TMC1: variants seen among roughly 807,000 people sequenced by gnomAD.
The protein encoded by TMC1 is transmembrane channel like 1, also known as transmembrane channel-like protein 1.
In TMC1, 84 loss-of-function variants were observed where a neutral mutation model predicts 105.8. That is an observed-to-expected ratio of 0.79 (90% confidence interval 0.67 to 0.95). The LOEUF (loss-of-function observed/expected upper bound fraction) is 0.95. Among genes scored for constraint, TMC1 ranks in the 40% least tolerant of loss-of-function variants. TMC1 has a pLI of 0.00. For synonymous variants in TMC1, 315 were observed against 311.5 expected (o/e 1.01, Z -0.12); for missense variants, 817 against 914.1 (o/e 0.89, Z 1.37).
intron 23 of TMC1, among the ~76,000 whole-genome samples, chr9:72,831,271 G>T (rs2118333798): frequency 6.6e-6 from 1 of 152,166 alleles, no homozygotes; most frequent in African/African-American, 2.4e-5. Flanking sequence ...TTCCAACTTT[G>T]TCCTTACTCC....
chr9:72,803,200 C>A (rs1368518054), intron 17 of TMC1, among the ~76,000 whole-genome samples: 2 of 152,172 alleles, frequency 1.3e-5, no homozygotes, highest in East Asian at 3.9e-4. Flanking sequence ...TGAAATGGGA[C>A]CCCGTCTATA....
intron 8 of TMC1, among the ~76,000 whole-genome samples, chr9:72,709,000 AT>A (rs59517839): frequency 4.2e-5 from 6 of 142,822 alleles, no homozygotes; most frequent in African/African-American, 7.7e-5. Flanking sequence ...TTCTGTGTCT[AT>A]TTTTTTTTCG....
intron 1 of TMC1, among the ~76,000 whole-genome samples, chr9:72,545,562 A>C (rs965270783): frequency 1.3e-5 from 2 of 152,172 alleles, no homozygotes; most frequent in African/African-American, 4.8e-5. Context: ...ATCTTGGCTC[A>C]CTGCAACCTC....
chr9:72,649,194 CATTTTTGCTTG>C (rs1204383841), intron 5 of TMC1, among the ~76,000 whole-genome samples: 2 of 152,218 alleles, frequency 1.3e-5, no homozygotes, highest in Admixed American at 6.5e-5. Flanking sequence ...TGATAAAACA[CATTTTTGCTTG>C]CTGTGACTTG....
intron 7 of TMC1, among the ~76,000 whole-genome samples, chr9:72,696,208 C>T (rs983339895): frequency 1.3e-5 from 2 of 152,154 alleles, no homozygotes; most frequent in African/African-American, 2.4e-5. Context: ...TGCTCAACTT[C>T]TAGGAAATGG....
intron 5 of TMC1, among the ~76,000 whole-genome samples, chr9:72,656,889 T>C (rs566586917): frequency 6.6e-6 from 1 of 152,350 alleles, no homozygotes; most frequent in African/African-American, 2.4e-5. Flanking sequence ...GCTACTTTGA[T>C]CTAGGAAATA....
At chr9:72,651,641 G>A (rs1408404031) in intron 5 of TMC1, 1 of 152,162 alleles carries the variant, frequency 6.6e-6, no homozygotes, top group East Asian at 1.9e-4. Context: ...TTGATACATA[G>A]AAATACTAGT....
chr9:72,712,752 C>G (rs963527251), intron 8 of TMC1, among the ~76,000 whole-genome samples: 1 of 152,122 alleles, frequency 6.6e-6, no homozygotes, highest in African/African-American at 2.4e-5. Flanking sequence ...AACTGAATAC[C>G]CTTTATTCCT....
chr9:72,731,267 A>G (rs1361730894), intron 8 of TMC1, among the ~76,000 whole-genome samples: 1 of 152,202 alleles, frequency 6.6e-6, no homozygotes. Context: ...TTCCAGTGCA[A>G]TGGTAAAAAT....
intron 2 of TMC1, among the ~76,000 whole-genome samples, chr9:72,607,129 G>A (rs578021223): frequency 1.4e-4 from 21 of 151,814 alleles, no homozygotes; most frequent in African/African-American, 5.1e-4. Flanking sequence ...CCAATACATT[G>A]TAGATACTCA....
rs542333156 is a variant in TMC1 at position 72,836,052 on chromosome 9, C to A, written c.*79C>A. On this transcript the variant is annotated 3_prime_UTR_variant, in exon 24 of 24. Coordinates refer to ENST00000297784, the MANE Select transcript of TMC1 (RefSeq NM_138691.3). ...ATGCAATATGTGAACGCCCAGAGAA[C>A]AAGCACTGTGGAACTGCTATTTTCC... 2.0e-6 allele frequency: 3 copies of A among 1,515,540 alleles called. No homozygotes were observed. The highest frequency in any genetic ancestry group is 1.7e-5 in the Admixed American group (1 of 59,682). 93.9% of individuals were successfully genotyped at this position (1,515,540 alleles called of 1,614,324 possible). A position where few individuals can be genotyped will look rare whatever the true frequency, so the allele number is the denominator to read the frequency against.
intron 2 of TMC1, among the ~76,000 whole-genome samples, chr9:72,612,463 C>G (rs1466996194): frequency 6.7e-6 from 1 of 149,674 alleles, no homozygotes; most frequent in African/African-American, 2.5e-5. Flanking sequence ...CAAGAGCCAC[C>G]ACTCCCGGCC....
At chr9:72,691,288 G>A (rs1378845638) in intron 6 of TMC1, among the ~76,000 whole-genome samples, 7 of 152,070 alleles carry the variant, frequency 4.6e-5, no homozygotes, top group Non-Finnish European at 8.8e-5. Context: ...AGTCTGTTAA[G>A]TAATTCATAT....
At chr9:72,702,309 G>A (rs766007944) in intron 8 of TMC1, among the ~76,000 whole-genome samples, 7 of 152,032 alleles carry the variant, frequency 4.6e-5, no homozygotes, top group Admixed American at 6.6e-5. Flanking sequence ...GTCTTTGCCC[G>A]TATCTCTCGT....
intron 9 of TMC1, 107 bp from the exon 10 acceptor site, chr9:72,742,337 G>T (rs1008179446): frequency 9.2e-6 from 8 of 871,510 alleles, no homozygotes; most frequent in Non-Finnish European, 1.5e-5. Context: ...TTTGCTGCCA[G>T]AGAGACATTT....
chr9:72,683,897 C>T, intron 5 of TMC1, among the ~76,000 whole-genome samples: 1 of 150,698 alleles, frequency 6.6e-6, no homozygotes, highest in Non-Finnish European at 1.5e-5. Flanking sequence ...ACTTCTCTTT[C>T]TGTTTCTCTC....
At chr9:72,629,323 G>A (rs1172376428) in intron 4 of TMC1, among the ~76,000 whole-genome samples, 1 of 152,124 alleles carries the variant, frequency 6.6e-6, no homozygotes, top group Non-Finnish European at 1.5e-5. Flanking sequence ...TTACAGCTAG[G>A]AAGGTAGTTG....
chr9:72,835,842 A>G, intron 23 of TMC1, 109 bp from the exon 24 acceptor site: 1 of 1,289,026 alleles, frequency 7.8e-7, no homozygotes, highest in Non-Finnish European at 1.1e-6. Flanking sequence ...TGGCCACCTC[A>G]TTCAGAACCA....
At chr9:72,822,899 A>C (rs570502428) in intron 20 of TMC1, among the ~76,000 whole-genome samples, 13 of 152,358 alleles carry the variant, frequency 8.5e-5, no homozygotes, top group African/African-American at 3.1e-4. Flanking sequence ...AGACATGAAC[A>C]ATAGTTGCAC....
Sources: allele counts gnomAD v4.1 joint callset (sites outside exome capture counted in the v4.1 genomes callset), GRCh38; gene constraint gnomAD v4.1.1; transcripts MANE v1.5; gene names NCBI Gene and HGNC (gene_info 2026-07-23, HGNC 2026-07-21).